The following ZBTB16 variants were observed in gnomAD, a reference collection of about 807,000 sequenced individuals.
The protein encoded by ZBTB16 is zinc finger and BTB domain-containing protein 16.
ZBTB16 carries 8 observed loss-of-function variants against 56.8 expected under a neutral mutation model. The ratio of observed to expected loss-of-function variants is 0.14; its 90% CI spans 0.08 to 0.25. The LOEUF (loss-of-function observed/expected upper bound fraction) is 0.25. Among genes scored for constraint, ZBTB16 ranks in the 10% least tolerant of loss-of-function variants. ZBTB16 has a pLI of 1.00. For missense variants in ZBTB16, 625 were observed against 903.0 expected (o/e 0.69, Z 3.95); for synonymous variants, 363 against 368.5 (o/e 0.98, Z 0.17).
chr11:114,088,108 A>C, intron 2 of ZBTB16, among the ~76,000 whole-genome samples: 1 of 147,298 alleles, frequency 6.8e-6, no homozygotes. Context: ...GAGCTCCCAC[A>C]CCAGAAGAGG....
intron 4 of ZBTB16, among the ~76,000 whole-genome samples, chr11:114,223,345 T>A (rs1402342473): frequency 6.6e-6 from 1 of 152,124 alleles, no homozygotes; most frequent in African/African-American, 2.4e-5. Flanking sequence ...TATGGGAATA[T>A]ACGGACTCAG....
intron 2 of ZBTB16, among the ~76,000 whole-genome samples, chr11:114,073,081 G>A (rs774500853): frequency 2.2e-4 from 31 of 143,272 alleles, no homozygotes; most frequent in Non-Finnish European, 3.5e-4. Context: ...AAAAAGAGTT[G>A]TACCAGGATT....
intron 4 of ZBTB16, chr11:114,210,725 T>C: frequency 4.6e-6 from 1 of 217,834 alleles, no homozygotes; most frequent in Middle Eastern, 1.4e-3. Context: ...ATCATTACCT[T>C]AGAGACATCC....
intron 2 of ZBTB16, among the ~76,000 whole-genome samples, chr11:114,099,828 C>T (rs1318471238): frequency 1.3e-5 from 2 of 152,242 alleles, no homozygotes; most frequent in African/African-American, 4.8e-5. Context: ...CATTGCGCTA[C>T]AGTCATTGAA....
Position 114,063,751 on chromosome 11 carries a change from C to G in ZBTB16, c.451C>G (p.Arg151Gly). 6.2e-7 allele frequency: 1 copy of G among 1,613,982 alleles called. No homozygotes were observed. The highest frequency in any genetic ancestry group is 8.5e-7 in the Non-Finnish European group (1 of 1,180,048). ...GAEEEEDRKA[R>G]YLKNIFISKH... ...CGAGGAAGAAGAGGACCGCAAGGCT[C>G]GGTACCTCAAGAACATCTTCATCTC... is the stretch of plus-strand genomic sequence containing the variant. Residue 151 changes from arginine (R) to glycine (G), a missense_variant, in exon 2 of 7, where the codon CGG (arginine) becomes GGG (glycine). Arg to Gly is a moderately radical substitution (Grantham distance 125). Transcript: ENST00000335953. This position sits in a 1 kb window ranked among gnomAD's most constrained non-coding sequence, Gnocchi z 6.5.
Position 114,080,012 on chromosome 11 carries a change from C to G in ZBTB16, c.1268+15444C>G, listed in dbSNP as rs549587576. Among the ~76,000 whole-genome samples the G allele has an allele frequency of 6.3e-4, 96 of 152,202 alleles. 2 individuals are homozygous for G. The South Asian group carries it at 0.015, about 24-fold the overall frequency. On this transcript the variant is annotated intron_variant, in intron 2 of 6. Coordinates refer to ENST00000335953, the MANE Select transcript of ZBTB16 (RefSeq NM_006006.6). ...GTTGTTAAAAGAACAGAAAAGAAAA[C>G]AAAACAAAACAAAAAACCAGGACTG...
chr11:114,227,464 TA>T (rs1347419296), intron 4 of ZBTB16, among the ~76,000 whole-genome samples: 8 of 152,240 alleles, frequency 5.3e-5, no homozygotes, highest in Non-Finnish European at 1.2e-4. Flanking sequence ...TGCAATCCTT[TA>T]TCCATCTATT....
rs1942355528 is a variant in ZBTB16, at chr11:114,154,497, C to T, written c.1269-1840C>T. ...CCGGGCAAGTGACAGGAATACTCCA[C>T]CATCGTGTGTGTTTGCATGCACTCA... On this transcript the variant is annotated intron_variant, in intron 2 of 6. Coordinates refer to ENST00000335953, the MANE Select transcript of ZBTB16 (RefSeq NM_006006.6). Among the ~76,000 whole-genome samples the T allele has an allele frequency of 2.0e-5, 3 of 152,166 alleles. No homozygotes were observed. In the South Asian group the frequency reaches 6.2e-4, roughly 32 times the overall value.
chr11:114,078,455 ACTT>A (rs1385070890), intron 2 of ZBTB16, among the ~76,000 whole-genome samples: 1 of 152,196 alleles, frequency 6.6e-6, no homozygotes, highest in Non-Finnish European at 1.5e-5. Flanking sequence ...AGAAAAGAAA[ACTT>A]CTGACCTCAT....
chr11:114,209,074 G>T (rs1225667532), intron 4 of ZBTB16, among the ~76,000 whole-genome samples: 1 of 152,108 alleles, frequency 6.6e-6, no homozygotes, highest in African/African-American at 2.4e-5. Flanking sequence ...GCCCGCATCC[G>T]AAGATAACTT....
At chr11:114,202,216 G>T (rs1234961027) in intron 4 of ZBTB16, among the ~76,000 whole-genome samples, 1 of 152,234 alleles carries the variant, frequency 6.6e-6, no homozygotes, top group Non-Finnish European at 1.5e-5. Context: ...GTCACACCTG[G>T]AGGGGGTGAC....
At chr11:114,071,934 G>T (rs1332281711) in intron 2 of ZBTB16, among the ~76,000 whole-genome samples, 1 of 152,204 alleles carries the variant, frequency 6.6e-6, no homozygotes, top group Non-Finnish European at 1.5e-5. Context: ...CTTAACTTCT[G>T]TGTGCCTGTT....
At position 114,255,735 on chromosome 11, in the gene ZBTB16, G is replaced by GA. The variant is rs1565714322; in HGVS notation, c.*5189dup. Among the ~76,000 whole-genome samples, 4 of 140,290 alleles carry GA rather than the reference G, an allele frequency of 2.9e-5. No individual in the cohort carries two copies. Among genetic ancestry groups the GA allele is most frequent in the Admixed American group, 7.2e-5 (1 of 13,896 alleles). 92.0% of individuals were successfully genotyped at this position (140,290 alleles called of 152,430 possible). A position where few individuals can be genotyped will look rare whatever the true frequency, so the allele number is the denominator to read the frequency against. Reference sequence around the variant, plus strand: ...ACAAGATTTAAAAAAAAAAAAAAAGGAAAAAAAAAGAAAAAATGAATTTAC... The same window carrying GA: ...ACAAGATTTAAAAAAAAAAAAAAAGGAAAAAAAAAAGAAAAAATGAATTTAC... On this transcript the variant is annotated 3_prime_UTR_variant, in exon 7 of 7. Coordinates refer to ENST00000335953, the MANE Select transcript of ZBTB16 (RefSeq NM_006006.6).
intron 4 of ZBTB16, among the ~76,000 whole-genome samples, chr11:114,190,012 A>G (rs1440028390): frequency 6.6e-6 from 1 of 152,252 alleles, no homozygotes; most frequent in African/African-American, 2.4e-5. Flanking sequence ...GGAATGAAGT[A>G]CTGATACATA....
Position 114,250,910 on chromosome 11 carries a change from C to G in ZBTB16, c.*355C>G, listed in dbSNP as rs1944906836. On this transcript the variant is annotated 3_prime_UTR_variant, in exon 7 of 7. Coordinates refer to ENST00000335953, the MANE Select transcript of ZBTB16 (RefSeq NM_006006.6). This position sits in a 1 kb window ranked among gnomAD's most constrained non-coding sequence, Gnocchi z 6.0. ...GAGGCTAGAAAGCAGGTGAGAGGTC[C>G]TCTGGTCAGAGCCACACGGTCTGTG... 6.6e-6 allele frequency among the ~76,000 whole-genome samples: 1 copy of G among 152,172 alleles called. No individual in the cohort carries two copies. The highest frequency in any genetic ancestry group is 1.5e-5 in the Non-Finnish European group (1 of 68,034).
At chr11:114,208,335 T>G (rs1943930592) in intron 4 of ZBTB16, among the ~76,000 whole-genome samples, 1 of 152,174 alleles carries the variant, frequency 6.6e-6, no homozygotes, top group African/African-American at 2.4e-5. Context: ...TCTGTTCTTG[T>G]CTGGCTTCAG....
intron 3 of ZBTB16, among the ~76,000 whole-genome samples, chr11:114,173,390 AGATGGG>A (rs1943021411): frequency 6.6e-6 from 1 of 152,100 alleles, no homozygotes; most frequent in African/African-American, 2.4e-5. Flanking sequence ...TCCGTGTCTG[AGATGGG>A]GATGGTGGGT....
chr11:114,103,582 C>T (rs1940689195), intron 2 of ZBTB16, among the ~76,000 whole-genome samples: 1 of 151,730 alleles, frequency 6.6e-6, no homozygotes, highest in African/African-American at 2.4e-5. Flanking sequence ...AAGAGTAGGC[C>T]CCTATCTCTC....
chr11:114,143,315 T>A lies in ZBTB16; in HGVS notation c.1269-13022T>A, dbSNP rs949607401. On this transcript the variant is annotated intron_variant, in intron 2 of 6. Coordinates refer to ENST00000335953, the MANE Select transcript of ZBTB16 (RefSeq NM_006006.6). The surrounding 1 kb of genome is among the most constrained non-coding windows in gnomAD (Gnocchi z 6.4). ...ACAAGATGAATGAGGCAAAGCCCTG[T>A]CTTCATGTAGCTGCCCATCCAGCTG... Among the ~76,000 whole-genome samples the A allele has an allele frequency of 1.3e-5, 2 of 152,148 alleles. No individual in the cohort carries two copies. Among genetic ancestry groups the A allele is most frequent in the Non-Finnish European group, 2.9e-5 (2 of 68,040 alleles).
Sources: gnomAD v4.1 joint callset for allele counts (sites outside exome capture counted in the v4.1 genomes callset) on GRCh38, gnomAD v4.1.1 for gene constraint, Gnocchi (gnomAD v3.1) non-coding constraint, MANE v1.5 for transcripts, NCBI Gene and HGNC (gene_info 2026-07-23, HGNC 2026-07-21) for gene names.